Variants in NRG1 observed in about 807,000 individuals in gnomAD.
The protein encoded by NRG1 is neuregulin 1.
In NRG1, 18 loss-of-function variants were observed where a neutral mutation model predicts 63.8. That is an observed-to-expected ratio of 0.28 (90% confidence interval 0.19 to 0.42). NRG1 has a LOEUF of 0.42. NRG1 is among the 10% of genes least tolerant of loss of function. The probability of loss-of-function intolerance (pLI) is 1.00; values close to 1 mark genes in which losing one functional copy is unlikely to be tolerated. For synonymous variants in NRG1, 302 were observed against 301.3 expected, an observed-to-expected ratio of 1.00 and a Z score of -0.02; for missense variants, 762 against 814.7, an observed-to-expected ratio of 0.94 and a Z score of 0.79.
intron 6 of NRG1, among the ~76,000 whole-genome samples, chr8:32,738,772 G>A (rs779197530): frequency 2.5e-4 from 38 of 152,304 alleles, no homozygotes; most frequent in Non-Finnish European, 2.1e-4. Flanking sequence ...GTTTGCATAT[G>A]CAGAAACTAT....
intron 5 of NRG1, among the ~76,000 whole-genome samples, chr8:32,656,244 C>T (rs1023143318): frequency 1.1e-4 from 17 of 151,842 alleles, no homozygotes; most frequent in African/African-American, 4.1e-4. Flanking sequence ...TTTGGACAAA[C>T]AGGTTGTTTA....
rs1821817493 is a variant in NRG1 at position 32,457,935 on chromosome 8, T to C, written c.38-137893T>C. Among the ~76,000 whole-genome samples, 4 of 152,156 alleles carry C rather than the reference T, an allele frequency of 2.6e-5. 1 individual carries two copies. The highest frequency in any genetic ancestry group is 2.6e-4 in the Admixed American group (4 of 15,274). On this transcript the variant is annotated intron_variant, in intron 1 of 10. Transcript: ENST00000519301. Reference sequence around the variant, plus strand: ...AAGCAACTTTTTTTTTTTTGTTTTTTTGAGATAGAGTCTCACTCTGTCACC... The same window carrying C: ...AAGCAACTTTTTTTTTTTTGTTTTTCTGAGATAGAGTCTCACTCTGTCACC...
At chr8:32,066,518 G>T (rs1824846432) in intron 1 of NRG1, among the ~76,000 whole-genome samples, 1 of 152,034 alleles carries the variant, frequency 6.6e-6, no homozygotes, top group South Asian at 2.1e-4. Flanking sequence ...CATTATTTCT[G>T]AGGGCTCTGT....
intron 1 of NRG1, among the ~76,000 whole-genome samples, chr8:32,433,276 G>A (rs1818382939): frequency 6.6e-6 from 1 of 152,156 alleles, no homozygotes. Context: ...TCTAAAGGAA[G>A]TTCCAACTCA....
chr8:32,451,517 A>G (rs1458054430), intron 1 of NRG1, among the ~76,000 whole-genome samples: 1 of 152,126 alleles, frequency 6.6e-6, no homozygotes. Context: ...TATCACTGTC[A>G]TGTTCTAGCC....
At chr8:32,043,079 A>G (rs1820354582) in intron 1 of NRG1, among the ~76,000 whole-genome samples, 1 of 151,878 alleles carries the variant, frequency 6.6e-6, no homozygotes, top group Non-Finnish European at 1.5e-5. Flanking sequence ...ACATAAACCT[A>G]CAGATTCAAG....
At chr8:32,646,633 A>C in intron 5 of NRG1, 1 of 950,702 alleles carries the variant, frequency 1.1e-6, no homozygotes, top group Non-Finnish European at 1.3e-6. Flanking sequence ...TGAAGGAAAG[A>C]GACTGAAAGC....
chr8:32,661,073 G>A (rs1462005202), intron 5 of NRG1, among the ~76,000 whole-genome samples: 1 of 152,170 alleles, frequency 6.6e-6, no homozygotes, highest in East Asian at 1.9e-4. Context: ...GAACAGAAAA[G>A]GATAATCATC....
intron 1 of NRG1, among the ~76,000 whole-genome samples, chr8:32,159,908 A>C (rs908739257): frequency 1.3e-5 from 2 of 152,164 alleles, no homozygotes; most frequent in Non-Finnish European, 2.9e-5. Context: ...TTTGGCTAAC[A>C]CATTAGGTAT....
intron 5 of NRG1, among the ~76,000 whole-genome samples, chr8:32,718,753 C>T (rs1361821625): frequency 1.3e-5 from 2 of 152,108 alleles, no homozygotes; most frequent in Non-Finnish European, 2.9e-5. Context: ...CATCTTCTCC[C>T]ACAACCATAG....
chr8:32,358,925 T>C (rs900027706), intron 1 of NRG1, among the ~76,000 whole-genome samples: 4 of 152,122 alleles, frequency 2.6e-5, no homozygotes, highest in Non-Finnish European at 5.9e-5. Context: ...GAGTCACAAA[T>C]TCTAAGAAAT....
At chr8:31,911,693 CAACA>C (rs1410580653) in intron 1 of NRG1, among the ~76,000 whole-genome samples, 1 of 152,122 alleles carries the variant, frequency 6.6e-6, no homozygotes, top group Non-Finnish European at 1.5e-5. Context: ...TTTACCTAAA[CAACA>C]AACCTGCACA....
intron 1 of NRG1, among the ~76,000 whole-genome samples, chr8:31,687,893 G>A (rs547418834): frequency 5.9e-5 from 9 of 152,274 alleles, no homozygotes; most frequent in African/African-American, 2.2e-4. Flanking sequence ...TAGGTCAGGC[G>A]TTCTCTGCAG....
intron 1 of NRG1, among the ~76,000 whole-genome samples, chr8:31,775,361 G>C (rs188396146): frequency 6.6e-6 from 1 of 152,160 alleles, no homozygotes; most frequent in African/African-American, 2.4e-5. Flanking sequence ...CAAGTATCAC[G>C]TTCTCACTTA....
intron 1 of NRG1, among the ~76,000 whole-genome samples, chr8:31,733,732 C>T (rs1814354889): frequency 6.6e-6 from 1 of 152,164 alleles, no homozygotes. Context: ...TCATACTTTG[C>T]ACCATGTCCC....
At chr8:32,003,657 T>C (rs1813297808) in intron 1 of NRG1, among the ~76,000 whole-genome samples, 1 of 152,010 alleles carries the variant, frequency 6.6e-6, no homozygotes, top group Non-Finnish European at 1.5e-5. Context: ...TATTCAAATA[T>C]ATCTTATAAT....
chr8:31,921,297 A>G (rs533695016), intron 1 of NRG1, among the ~76,000 whole-genome samples: 23 of 152,144 alleles, frequency 1.5e-4, no homozygotes, highest in Non-Finnish European at 3.1e-4. Context: ...AGCCTGGGTG[A>G]TGTGGATGGG....
intron 1 of NRG1, among the ~76,000 whole-genome samples, chr8:32,440,219 C>T (rs996951087): frequency 3.3e-5 from 5 of 152,150 alleles, no homozygotes; most frequent in African/African-American, 1.2e-4. Flanking sequence ...ATCATTCAAT[C>T]ATCTCCCACC....
intron 1 of NRG1, among the ~76,000 whole-genome samples, chr8:32,408,954 T>G (rs2129485262): frequency 6.6e-6 from 1 of 152,288 alleles, no homozygotes; most frequent in South Asian, 2.1e-4. Context: ...GTGTACTCAT[T>G]ATTTAGTTCT....
Sources: allele counts gnomAD v4.1 joint callset (sites outside exome capture counted in the v4.1 genomes callset), GRCh38; gene constraint gnomAD v4.1.1; transcripts MANE v1.5; gene names NCBI Gene and HGNC (gene_info 2026-07-23, HGNC 2026-07-21).